The following CSTF2T variants were observed in gnomAD, a reference collection of about 807,000 sequenced individuals.
CSTF2T encodes CF-1 64 kDa subunit tau.
Under a neutral mutation model 39.9 loss-of-function variants are expected in CSTF2T, and 18 were observed. The ratio of observed to expected loss-of-function variants is 0.45; its 90% CI spans 0.31 to 0.67. CSTF2T has a LOEUF of 0.67. Among genes scored for constraint, CSTF2T ranks in the 30% least tolerant of loss-of-function variants. CSTF2T has a pLI of 0.06. For synonymous variants in CSTF2T, 291 were observed against 276.4 expected (o/e 1.05, Z -0.52); for missense variants, 681 against 789.0 (o/e 0.86, Z 1.64).
At position 51,699,574 on chromosome 10, in the gene CSTF2T, T is replaced by C. The variant is rs767657145; in HGVS notation, c.-25A>G. ...TGATTCCGGTTGTGCAGACAGCCGA[T>C]AGCGGATTCTTCGAGGCGTCTGTCC... On this transcript the variant is annotated 5_prime_UTR_variant, in exon 1 of 1. Transcript: ENST00000331173. 25 of 1,586,432 alleles carry C rather than the reference T, an allele frequency of 1.6e-5. No homozygotes were observed. Among genetic ancestry groups the C allele is most frequent in the African/African-American group, 4.1e-5 (3 of 73,826 alleles).
In CSTF2T at chr10:51,697,705, C is replaced by T. The variant is rs201224812; in HGVS notation, c.1845G>A (p.Ala615=). Residue 615 remains alanine (A), a synonymous_variant, in exon 1 of 1, where the codon GCG becomes GCA. Coordinates refer to ENST00000331173, the MANE Select transcript of CSTF2T (RefSeq NM_015235.3). ...LKEQIQKSTG[A]S is the part of the protein sequence containing the mutation. Reference sequence around the variant, plus strand: ...AAATATTTTCTAAAACCTTTCAAGACGCTCCAGTGGATTTCTGGATTTGTT... The same window carrying T: ...AAATATTTTCTAAAACCTTTCAAGATGCTCCAGTGGATTTCTGGATTTGTT... The T allele has an allele frequency of 2.4e-5, 39 of 1,614,002 alleles. No homozygotes were observed. The highest frequency in any genetic ancestry group is 7.7e-5 in the South Asian group (7 of 91,068).
chr10:51,696,532 T>C lies in CSTF2T; in HGVS notation c.*1167A>G, dbSNP rs1420026277. On this transcript the variant is annotated 3_prime_UTR_variant, in exon 1 of 1. Coordinates refer to ENST00000331173, the MANE Select transcript of CSTF2T (RefSeq NM_015235.3). ...TGGGTTTCATCAGAGCAGACTTAAG[T>C]AGCCTGGTTGATTTTAGATTTGTCA... The C allele has an allele frequency of 6.6e-6, 1 of 152,076 alleles. No homozygotes were observed. The highest frequency in any genetic ancestry group is 1.5e-5 in the Non-Finnish European group (1 of 68,016). 9.4% of individuals were successfully genotyped at this position (152,076 alleles called of 1,614,324 possible).
chr10:51,698,606 G>A lies in CSTF2T; in HGVS notation c.944C>T (p.Pro315Leu), dbSNP rs1448548046. 4 of 1,613,918 alleles carry A rather than the reference G, an allele frequency of 2.5e-6. No individual in the cohort carries two copies. Among genetic ancestry groups the A allele is most frequent in the East Asian group, 4.5e-5 (2 of 44,876 alleles). The change falls in exon 1 of 1, where the codon CCT (proline) becomes CTT (leucine). Residue 315 changes from proline (P) to leucine (L), a missense_variant. Around this residue, in one of 4 missense-constraint regions of CSTF2T, gnomAD observed 329 missense variants for 344.1 expected, o/e 0.96. Transcript: ENST00000331173. Reference sequence around the variant, plus strand: ...ACCACCAGGAGTCACGGGTCCGCGAGGTATAGGAGCTCTAGGATCTGACAT... The same window carrying A: ...ACCACCAGGAGTCACGGGTCCGCGAAGTATAGGAGCTCTAGGATCTGACAT... ...VQMSDPRAPI[P>L]RGPVTPGGLP...
chr10:51,698,303 C>G lies in CSTF2T; in HGVS notation c.1247G>C (p.Arg416Pro). 1.2e-6 allele frequency: 2 copies of G among 1,614,122 alleles called. No homozygotes were observed. Among genetic ancestry groups the G allele is most frequent in the South Asian group, 2.2e-5 (2 of 91,082 alleles). The change falls in exon 1 of 1, where the codon CGA (arginine) becomes CCA (proline). Residue 416 changes from arginine (R) to proline (P), a missense_variant. By Grantham distance (103) the Arg-to-Pro change is moderately radical. Transcript: ENST00000331173. Reference protein sequence around the residue: ...PMDGRGGRDSRAMETRAMETE... With the variant: ...PMDGRGGRDSPAMETRAMETE... ...TTCCATGGCACGAGTCTCCATCGCT[C>G]GAGAATCTCTACCACCTCTACCATC...
chr10:51,697,700 C>G lies in CSTF2T; in HGVS notation c.1850G>C (p.Ter617SerextTer9). The G allele has an allele frequency of 1.2e-6, 2 of 1,613,944 alleles. No homozygotes were observed. Among genetic ancestry groups the G allele is most frequent in the Non-Finnish European group, 1.7e-6 (2 of 1,179,948 alleles). ...CAGCCAAATATTTTCTAAAACCTTT[C>G]AAGACGCTCCAGTGGATTTCTGGAT... is the stretch of plus-strand genomic sequence containing the variant. The part of the protein sequence containing the change: ...EQIQKSTGAS[*>S] Residue 617 changes from the stop codon to serine, a stop_lost, in exon 1 of 1, where the codon TGA becomes TCA. Transcript: ENST00000331173.
Position 51,697,996 on chromosome 10 carries a change from CATGCCTGTTCCTTGT to C in CSTF2T, c.1539_1553del (p.Ile513_Gly517del), listed in dbSNP as rs754744971. ...CTCCTCCTTGTATGCCTGCTCCCTG[CATGCCTGTTCCTTGT>C]ATGCCTGTACCCTGCATACCAGCTC... On this transcript the variant is annotated inframe_deletion, in exon 1 of 1. Transcript: ENST00000331173. The C allele has an allele frequency of 1.9e-5, 30 of 1,612,246 alleles. No homozygotes were observed. Among genetic ancestry groups the C allele is most frequent in the Non-Finnish European group, 2.4e-5 (28 of 1,179,166 alleles).
rs1382523813 is a variant in CSTF2T, at chr10:51,696,749, C to G, written c.*950G>C. 1 of 151,986 alleles carries G rather than the reference C, an allele frequency of 6.6e-6. No individual in the cohort carries two copies. Among genetic ancestry groups the G allele is most frequent in the Non-Finnish European group, 1.5e-5 (1 of 68,000 alleles). 9.4% of individuals were successfully genotyped at this position (151,986 alleles called of 1,614,324 possible). A position where few individuals can be genotyped will look rare whatever the true frequency, so the allele number is the denominator to read the frequency against. On this transcript the variant is annotated 3_prime_UTR_variant, in exon 1 of 1. Transcript: ENST00000331173. ...ATGGACACCATCTGTATACAAACGT[C>G]AGATACCAAGAAACTCAGATCTTTA...
chr10:51,697,940 C>CCTCCTCCT lies in CSTF2T; in HGVS notation c.1609_1610insAGGAGGAG (p.Ser537LysfsTer46), dbSNP rs1841343803. On this transcript the variant is annotated frameshift_variant, in exon 1 of 1. Transcript: ENST00000331173. LOFTEE classifies it high-confidence loss of function. Reference sequence around the variant, plus strand: ...TCCTTGTATACCTCCTCCTTGTATACTGACTCCTTGTATGCCTGCCCCCTG... The same window carrying CCTCCTCCT: ...TCCTTGTATACCTCCTCCTTGTATACCTCCTCCTTGACTCCTTGTATGCCTGCCCCCTG... The CCTCCTCCT allele has an allele frequency of 6.3e-7, 1 of 1,598,944 alleles. No homozygotes were observed. Among genetic ancestry groups the CCTCCTCCT allele is most frequent in the African/African-American group, 1.3e-5 (1 of 74,498 alleles).
rs1841286095 is a variant in CSTF2T, at chr10:51,696,135, A to AAGTG, written c.*1560_*1563dup. The AAGTG allele has an allele frequency of 6.6e-6, 1 of 152,222 alleles. No homozygotes were observed. The highest frequency in any genetic ancestry group is 2.1e-4 in the South Asian group (1 of 4,830). The allele number at this position is 152,222 out of a possible 1,614,324, so 9.4% of individuals were successfully genotyped here. On this transcript the variant is annotated 3_prime_UTR_variant, in exon 1 of 1. Coordinates refer to ENST00000331173, the MANE Select transcript of CSTF2T (RefSeq NM_015235.3). ...CAAAAAGTAAAATGAGCAGTAAGTC[A>AAGTG]AGTGAGTATTCAGGCTATATAAAAA... is the stretch of plus-strand genomic sequence containing the variant.
chr10:51,698,527 A>T lies in CSTF2T; in HGVS notation c.1023T>A (p.Thr341=). Residue 341 remains threonine, a synonymous_variant, in exon 1 of 1, where the codon ACT becomes ACA. Coordinates refer to ENST00000331173, the MANE Select transcript of CSTF2T (RefSeq NM_015235.3). ...CCACTTCTCCAGTGACTGAAAGCAA[A>T]GTCCCTCCACGTGGGTCATTTGGAG... The part of the protein sequence containing the change: ...GDAPNDPRGG[T]LLSVTGEVEP... 1 of 1,614,138 alleles carries T rather than the reference A, an allele frequency of 6.2e-7. No homozygotes were observed.
chr10:51,698,846 G>A lies in CSTF2T; in HGVS notation c.704C>T (p.Pro235Leu), dbSNP rs779633285. The A allele has an allele frequency of 6.2e-7, 1 of 1,614,182 alleles. No individual in the cohort carries two copies. The highest frequency in any genetic ancestry group is 8.5e-7 in the Non-Finnish European group (1 of 1,180,036). ...AGCCAAATGCTGAGGCTGAGGAGCT[G>A]GAGGATTCTGCTGGTTCAGCAGAAC... ...PNVLLNQQNP[P>L]APQPQHLARR... Residue 235 changes from proline (P) to leucine (L), a missense_variant, in exon 1 of 1, where the codon CCA (proline) becomes CTA (leucine). By Grantham distance (98) the Pro-to-Leu change is moderately conservative. Transcript: ENST00000331173.
Position 51,695,651 on chromosome 10 carries a change from A to G in CSTF2T, c.*2048T>C, listed in dbSNP as rs1841269803. 6.6e-6 allele frequency: 1 copy of G among 152,220 alleles called. No homozygotes were observed. Among genetic ancestry groups the G allele is most frequent in the Admixed American group, 6.5e-5 (1 of 15,274 alleles). The allele number at this position is 152,220 out of a possible 1,614,324, so 9.4% of individuals were successfully genotyped here. A position where few individuals can be genotyped will look rare whatever the true frequency, so the allele number is the denominator to read the frequency against. On this transcript the variant is annotated 3_prime_UTR_variant, in exon 1 of 1. Transcript: ENST00000331173. Reference sequence around the variant, plus strand: ...ACTCTGTGAATTAGTATTAAGCATAACTATCACATATGTAAACGCGAGTTA... The same window carrying G: ...ACTCTGTGAATTAGTATTAAGCATAGCTATCACATATGTAAACGCGAGTTA...
Position 51,698,600 on chromosome 10 carries a change from C to G in CSTF2T, c.950G>C (p.Gly317Ala). ...AGGCAGACCACCAGGAGTCACGGGT[C>G]CGCGAGGTATAGGAGCTCTAGGATC... ...MSDPRAPIPR[G>A]PVTPGGLPPR... is the part of the protein sequence containing the mutation. Residue 317 changes from glycine (G) to alanine (A), a missense_variant, in exon 1 of 1, where the codon GGA (glycine) becomes GCA (alanine). Coordinates refer to ENST00000331173, the MANE Select transcript of CSTF2T (RefSeq NM_015235.3). 1 of 1,613,892 alleles carries G rather than the reference C, an allele frequency of 6.2e-7. No individual in the cohort carries two copies. The highest frequency in any genetic ancestry group is 1.1e-5 in the South Asian group (1 of 91,078).
chr10:51,697,634 T>C lies in CSTF2T; in HGVS notation c.*65A>G. ...GTGTGGGGATACAGAAGTCAGCTTT[T>C]TGCACCCATTCTCCATGCTACAGAA... On this transcript the variant is annotated 3_prime_UTR_variant, in exon 1 of 1. Coordinates refer to ENST00000331173, the MANE Select transcript of CSTF2T (RefSeq NM_015235.3). The C allele has an allele frequency of 9.9e-6, 15 of 1,521,034 alleles. No homozygotes were observed. The highest frequency in any genetic ancestry group is 1.3e-5 in the Non-Finnish European group (15 of 1,112,342). The allele number at this position is 1,521,034 out of a possible 1,614,324, so 94.2% of individuals were successfully genotyped here.
In CSTF2T at chr10:51,697,144, A is replaced by G. The variant is rs532894504; in HGVS notation, c.*555T>C. On this transcript the variant is annotated 3_prime_UTR_variant, in exon 1 of 1. Coordinates refer to ENST00000331173, the MANE Select transcript of CSTF2T (RefSeq NM_015235.3). ...ACAATTCTAATACAAGTGTAACCTT[A>G]TCCTGTTAACTCTGTTTCAAAAATA... 6.5e-6 allele frequency: 1 copy of G among 152,760 alleles called. No homozygotes were observed. Among genetic ancestry groups the G allele is most frequent in the East Asian group, 1.9e-4 (1 of 5,196 alleles). The allele number at this position is 152,760 out of a possible 1,614,324, so 9.5% of individuals were successfully genotyped here.
Position 51,699,501 on chromosome 10 carries a change from A to T in CSTF2T, c.49T>A (p.Ser17Thr). ...TATGGAATGTTCCCCACGAACACGG[A>T]ACGCAGTGATCGATCCATTGCCGGG... The part of the protein sequence containing the change: ...RDPAMDRSLR[S>T]VFVGNIPYEA... Residue 17 changes from serine (S) to threonine (T), a missense_variant, in exon 1 of 1, where the codon TCC becomes ACC. By Grantham distance (58) the Ser-to-Thr change is moderately conservative (BLOSUM62 1). This residue lies in a region of CSTF2T where 65 missense variants were observed against 134.2 expected (regional missense o/e 0.48). Coordinates refer to ENST00000331173, the MANE Select transcript of CSTF2T (RefSeq NM_015235.3). The T allele has an allele frequency of 6.2e-7, 1 of 1,613,538 alleles. No homozygotes were observed. The highest frequency in any genetic ancestry group is 8.5e-7 in the Non-Finnish European group (1 of 1,179,834).
chr10:51,699,074 C>T lies in CSTF2T; in HGVS notation c.476G>A (p.Arg159Gln), dbSNP rs1211121710. 1.9e-6 allele frequency: 3 copies of T among 1,614,080 alleles called. No homozygotes were observed. Among genetic ancestry groups the T allele is most frequent in the East Asian group, 2.2e-5 (1 of 44,876 alleles). The part of the protein sequence containing the change: ...LCVQNSHQEA[R>Q]NMLLQNPQLA... ...TTGTGGATTTTGAAGTAACATGTTT[C>T]GAGCTTCCTGGTGGCTGTTTTGGAC... The change falls in exon 1 of 1, where the codon CGA becomes CAA. Residue 159 changes from arginine (R) to glutamine (Q), a missense_variant. Coordinates refer to ENST00000331173, the MANE Select transcript of CSTF2T (RefSeq NM_015235.3).
chr10:51,697,768 C>G lies in CSTF2T; in HGVS notation c.1782G>C (p.Leu594=), dbSNP rs768134230. The G allele has an allele frequency of 6.2e-7, 1 of 1,614,174 alleles. No individual in the cohort carries two copies. Among genetic ancestry groups the G allele is most frequent in the South Asian group, 1.1e-5 (1 of 91,078 alleles). ...LQLTADQIAM[L]PPEQRQSILI... ...GGATACTCTGCCTTTGCTCAGGGGG[C>G]AGCATGGCAATCTGATCTGCAGTCA... The change falls in exon 1 of 1, where the codon CTG becomes CTC. Residue 594 remains leucine (L), a synonymous_variant. Transcript: ENST00000331173.
rs556604190 is a variant in CSTF2T, at chr10:51,698,650, T to C, written c.900A>G (p.Leu300=). The change falls in exon 1 of 1, where the codon TTA becomes TTG. Residue 300 remains leucine, a synonymous_variant. Coordinates refer to ENST00000331173, the MANE Select transcript of CSTF2T (RefSeq NM_015235.3). ...LGMPGVGPVP[L]ERGQVQMSDP... The stretch of plus-strand genomic sequence containing the variant: ...CTGACATCTGCACTTGTCCCCGCTC[T>C]AAAGGCACTGGGCCAACCCCTGGCA... 6 of 1,614,158 alleles carry C rather than the reference T, an allele frequency of 3.7e-6. No individual in the cohort carries two copies. The South Asian group carries it at 5.5e-5, about 15-fold the overall frequency.
Sources: allele counts gnomAD v4.1 joint callset, GRCh38; gene constraint gnomAD v4.1.1; regional missense constraint gnomAD v4.1.1; transcripts MANE v1.5; gene names NCBI Gene and HGNC (gene_info 2026-07-23, HGNC 2026-07-21).